Variants in A2M observed in about 807,000 individuals in gnomAD.
A2M encodes the protein C3 and PZP-like alpha-2-macroglobulin domain-containing protein 5.
A neutral mutation model predicts 183.9 loss-of-function variants in A2M; 128 were observed. The ratio of observed to expected loss-of-function variants is 0.70; its 90% CI spans 0.60 to 0.81. The LOEUF is 0.81. Ranked by LOEUF, A2M falls within the 30% of genes least tolerant of loss-of-function variation. A2M has a pLI of 0.00. For missense variants in A2M, 1,495 were observed against 1,787.6 expected (o/e 0.84, Z 2.95); for synonymous variants, 592 against 670.8 (o/e 0.88, Z 1.81).
At chr12:9,095,493 T>C in intron 16 of A2M, 46 bp downstream of exon 16, 1 of 1,559,434 alleles carries the variant, frequency 6.4e-7, no homozygotes, top group Non-Finnish European at 8.8e-7. Flanking sequence ...ATGTGTAATA[T>C]TTTAAGAAGC....
intron 22 of A2M, among the ~76,000 whole-genome samples, chr12:9,084,583 A>G (rs1949000746): frequency 6.6e-6 from 1 of 152,172 alleles, no homozygotes; most frequent in African/African-American, 2.4e-5. Flanking sequence ...ATACCACTAC[A>G]GAACATCAGA....
intron 18 of A2M, 73 bp from the exon 19 acceptor site, chr12:9,091,502 G>A: frequency 4.1e-6 from 6 of 1,463,474 alleles, no homozygotes; most frequent in African/African-American, 1.4e-5. Flanking sequence ...GAATCCCTAG[G>A]AATGATTCTA....
Position 9,094,482 on chromosome 12 carries a change from C to T in A2M, c.2125+491G>A, listed in dbSNP as rs757958157. ...GGCTTCATAGTGAATTCCATAGAGCCAACTGATTCTCCTTAAATGCTTTCC... is the reference window on the plus strand; with the variant it reads ...GGCTTCATAGTGAATTCCATAGAGCTAACTGATTCTCCTTAAATGCTTTCC... On this transcript the variant is annotated intron_variant, in intron 17 of 35. Coordinates refer to ENST00000318602, the MANE Select transcript of A2M (RefSeq NM_000014.6). 7.6e-5 allele frequency among the ~76,000 whole-genome samples: 11 copies of T among 144,612 alleles called. No homozygotes were observed. The South Asian group carries it at 1.9e-3, about 25-fold the overall frequency. 94.9% of individuals were successfully genotyped at this position (144,612 alleles called of 152,430 possible). A position where few individuals can be genotyped will look rare whatever the true frequency, so the allele number is the denominator to read the frequency against.
In A2M at chr12:9,101,486, G is replaced by A. The variant is rs1319822850; in HGVS notation, c.1455C>T (p.Gly485=). Residue 485 remains glycine, a synonymous_variant, in exon 12 of 36, where the codon GGC becomes GGT. Coordinates refer to ENST00000318602, the MANE Select transcript of A2M (RefSeq NM_000014.6). ...TVQAHYILNG[G]TLLGLKKLSF... The stretch of plus-strand genomic sequence containing the variant: ...AGAGCTTCTTCAGCCCCAGCAGGGT[G>A]CCTCCATTCAGAATATAATGTGCCT... The A allele has an allele frequency of 6.2e-7, 1 of 1,613,762 alleles. No homozygotes were observed. Among genetic ancestry groups the A allele is most frequent in the Non-Finnish European group, 8.5e-7 (1 of 1,179,860 alleles).
At chr12:9,110,428 AG>A in intron 4 of A2M, 94 bp from the exon 5 acceptor site, 1 of 705,820 alleles carries the variant, frequency 1.4e-6, no homozygotes, top group Non-Finnish European at 2.3e-6. Context: ...CTAGCATAAC[AG>A]GGTGAGTATA....
chr12:9,107,806 C>T (rs963810617), intron 7 of A2M, among the ~76,000 whole-genome samples, 162 bp from the exon 8 acceptor site: 1 of 152,122 alleles, frequency 6.6e-6, no homozygotes, highest in Admixed American at 6.5e-5. Flanking sequence ...ACTAATGGCT[C>T]TTATAGAAAT....
Position 9,079,835 on chromosome 12 carries a change from G to A in A2M, c.2855-20C>T, listed in dbSNP as rs372704213. 3.7e-5 allele frequency: 57 copies of A among 1,555,614 alleles called. No individual in the cohort carries two copies. In the African/African-American group the frequency reaches 7.8e-4, roughly 21 times the overall value. On this transcript the variant is annotated intron_variant, in intron 23 of 35. Coordinates refer to ENST00000318602, the MANE Select transcript of A2M (RefSeq NM_000014.6). ...TGTCTCCTAGAGAATGGGAGAGATGGGAAGTCATAAAGCTTGGAGATTATC... is the reference window on the plus strand; with the variant it reads ...TGTCTCCTAGAGAATGGGAGAGATGAGAAGTCATAAAGCTTGGAGATTATC...
chr12:9,108,817 G>A (rs1463395207), intron 7 of A2M, among the ~76,000 whole-genome samples: 2 of 152,196 alleles, frequency 1.3e-5, no homozygotes, highest in African/African-American at 4.8e-5. Flanking sequence ...CCCGCCTTAG[G>A]TGGACTAGTG....
intron 6 of A2M, 98 bp downstream of exon 6, chr12:9,109,769 C>A: frequency 8.2e-7 from 1 of 1,212,850 alleles, no homozygotes; most frequent in Non-Finnish European, 1.1e-6. Context: ...CAATGTCACC[C>A]ATGGGAAATG....
At chr12:9,089,289 T>C (rs750119934) in intron 21 of A2M, 38 bp from the exon 22 acceptor site, 2 of 1,435,004 alleles carry the variant, frequency 1.4e-6, no homozygotes, top group Non-Finnish European at 1.9e-6. Flanking sequence ...GAGAATGGAC[T>C]GACCTTCAGA....
chr12:9,090,610 G>T, intron 19 of A2M, 128 bp from the exon 20 acceptor site: 1 of 924,442 alleles, frequency 1.1e-6, no homozygotes, highest in Non-Finnish European at 1.6e-6. Flanking sequence ...TATAAATGAA[G>T]ATCAAGTACC....
chr12:9,078,136 G>A (rs7310089), intron 25 of A2M, among the ~76,000 whole-genome samples: 59,889 of 151,924 alleles, frequency 0.39, 12,870 homozygotes, highest in African/African-American at 0.55. Context: ...ATAAGTATAC[G>A]TGTGCCATGG....
At chr12:9,116,147 A>G (rs1408375868), upstream of A2M, 5 of 377,124 alleles carry the variant, frequency 1.3e-5, no homozygotes, top group Non-Finnish European at 2.6e-5. Flanking sequence ...ACAGCAGCTA[A>G]TAAGCTTTTC....
rs762127781 is a variant in A2M, at chr12:9,079,795, T to C, written c.2875A>G (p.Met959Val). The change falls in exon 24 of 36, where the codon ATG (methionine) becomes GTG (valine). Residue 959 changes from methionine (M) to valine (V), a missense_variant. Met to Val is a conservative substitution (Grantham distance 21). Transcript: ENST00000318602. ...TGGAGAAGATTTTGTGTGTTTTGCATGGCAGAGCCTAATATGTCTCCTAGA... is the reference window on the plus strand; with the variant it reads ...TGGAGAAGATTTTGTGTGTTTTGCACGGCAGAGCCTAATATGTCTCCTAGA... ...SVLGDILGSA[M>V]QNTQNLLQMP... 6.2e-7 allele frequency: 1 copy of C among 1,610,416 alleles called. No homozygotes were observed. The highest frequency in any genetic ancestry group is 1.7e-5 in the Admixed American group (1 of 59,576).
Position 9,091,367 on chromosome 12 carries a change from C to T in A2M, c.2303G>A (p.Gly768Glu). ...AGCATCTTCAGACAGGCAGAAGGCCCCTGCCTTCCACTCGGTGATGGTGTC... is the reference window on the plus strand; with the variant it reads ...AGCATCTTCAGACAGGCAGAAGGCCTCTGCCTTCCACTCGGTGATGGTGTC... ...VPDTITEWKAGAFCLSEDAGL... is the reference protein window; with the variant it reads ...VPDTITEWKAEAFCLSEDAGL... The change falls in exon 19 of 36, where the codon GGG (glycine) becomes GAG (glutamate). Residue 768 changes from glycine (G) to glutamate (E), a missense_variant. By Grantham distance (98) the Gly-to-Glu change is moderately conservative. Transcript: ENST00000318602. 1 of 1,614,126 alleles carries T rather than the reference C, an allele frequency of 6.2e-7. No individual in the cohort carries two copies. Among genetic ancestry groups the T allele is most frequent in the Non-Finnish European group, 8.5e-7 (1 of 1,180,032 alleles).
Position 9,104,284 on chromosome 12 carries a change from G to GAACT in A2M, c.1217_1220dup (p.Phe407LeufsTer17). The GAACT allele has an allele frequency of 6.2e-7, 1 of 1,613,210 alleles. No individual in the cohort carries two copies. Among genetic ancestry groups the GAACT allele is most frequent in the East Asian group, 2.2e-5 (1 of 44,862 alleles). The stretch of plus-strand genomic sequence containing the variant: ...CCATAACATTGGTGGTGTTGATAGA[G>GAACT]AACTGTACAAGGCCATGCTCATCCG... On this transcript the variant is annotated frameshift_variant, in exon 11 of 36. Coordinates refer to ENST00000318602, the MANE Select transcript of A2M (RefSeq NM_000014.6). LOFTEE classifies it high-confidence loss of function.
chr12:9,088,025 A>C (rs186774369), intron 22 of A2M, among the ~76,000 whole-genome samples: 25 of 152,270 alleles, frequency 1.6e-4, no homozygotes, highest in Non-Finnish European at 2.8e-4. Flanking sequence ...GCTTAAAAGC[A>C]ATTCCAAGGA....
chr12:9,077,718 G>A lies in A2M; in HGVS notation c.3259C>T (p.Leu1087Phe), dbSNP rs1282077019. The stretch of plus-strand genomic sequence containing the variant: ...TGATTCACCTTTATGGCATTGTTGA[G>A]CAGTGACCCAGAGCTCCTGAAACAG... The part of the protein sequence containing the change: ...NGCFRSSGSL[L>F]NNAIKGGVED... Residue 1087 changes from leucine (L) to phenylalanine (F), a missense_variant, in exon 26 of 36, where the codon CTC becomes TTC. Leu to Phe is a conservative substitution (Grantham distance 22). Coordinates refer to ENST00000318602, the MANE Select transcript of A2M (RefSeq NM_000014.6). The A allele has an allele frequency of 1.5e-5, 24 of 1,613,986 alleles. No homozygotes were observed. Among genetic ancestry groups the A allele is most frequent in the Admixed American group, 3.3e-5 (2 of 60,004 alleles).
intron 29 of A2M, among the ~76,000 whole-genome samples, chr12:9,073,605 T>C (rs1948646582): frequency 6.6e-6 from 1 of 152,238 alleles, no homozygotes; most frequent in African/African-American, 2.4e-5. Flanking sequence ...TAGGATGGAA[T>C]GCCATTTTGT....
Sources: allele counts gnomAD v4.1 joint callset (sites outside exome capture counted in the v4.1 genomes callset), GRCh38; gene constraint gnomAD v4.1.1; transcripts MANE v1.5; gene names NCBI Gene and HGNC (gene_info 2026-07-23, HGNC 2026-07-21).